ARB2A: variants seen among roughly 807,000 people sequenced by gnomAD.
ARB2A encodes ARB2 cotranscriptional regulator A.
At chr5:93,831,965 C>T in the ARB2A span, among the ~76,000 whole-genome samples, 5 of 152,028 alleles carry the variant, frequency 3.3e-5, no homozygotes, top group African/African-American at 1.2e-4. Context: ...AAAGTGAGAC[C>T]CAACTGAAAA....
At chr5:93,842,122 A>C in the ARB2A span, among the ~76,000 whole-genome samples, 1 of 152,248 alleles carries the variant, frequency 6.6e-6, no homozygotes, top group Non-Finnish European at 1.5e-5. Flanking sequence ...TAATGTTAGA[A>C]TGGAGGTCAG....
chr5:93,673,542 C>G, the ARB2A span, among the ~76,000 whole-genome samples: 1 of 152,212 alleles, frequency 6.6e-6, no homozygotes, highest in African/African-American at 2.4e-5. Flanking sequence ...AAGAAAGACA[C>G]TTCGTTTAAA....
At chr5:93,617,797 T>G in the ARB2A span, among the ~76,000 whole-genome samples, 1 of 152,162 alleles carries the variant, frequency 6.6e-6, no homozygotes, top group Non-Finnish European at 1.5e-5. Flanking sequence ...ATTGATAGGT[T>G]GTTCAGATTT....
At chr5:93,986,055 G>A in the ARB2A span, among the ~76,000 whole-genome samples, 2 of 149,304 alleles carry the variant, frequency 1.3e-5, no homozygotes, top group East Asian at 2.0e-4. Flanking sequence ...GATGTGAGGA[G>A]CGCCTCTGCC....
chr5:94,051,877 A>G, the ARB2A span, among the ~76,000 whole-genome samples: 1 of 152,170 alleles, frequency 6.6e-6, no homozygotes, highest in Non-Finnish European at 1.5e-5. Flanking sequence ...TGGAGAGTAC[A>G]GTGGCCCAAT....
the ARB2A span, among the ~76,000 whole-genome samples, chr5:94,046,796 A>G: frequency 2.6e-5 from 4 of 152,358 alleles, no homozygotes; most frequent in African/African-American, 4.8e-5. Flanking sequence ...TTTTGGTTAC[A>G]GAATCAATGA....
the ARB2A span, among the ~76,000 whole-genome samples, chr5:94,009,847 T>G: frequency 6.6e-6 from 1 of 152,048 alleles, no homozygotes; most frequent in Non-Finnish European, 1.5e-5. Context: ...TTCTCTACTA[T>G]TGTTTGATAT....
the ARB2A span, among the ~76,000 whole-genome samples, chr5:93,952,776 A>T: frequency 1.3e-5 from 2 of 151,986 alleles, no homozygotes; most frequent in Non-Finnish European, 2.9e-5. Context: ...ACTTCTCTCT[A>T]CCACTTCTTT....
the ARB2A span, among the ~76,000 whole-genome samples, chr5:93,991,502 C>A: frequency 6.7e-6 from 1 of 150,346 alleles, no homozygotes; most frequent in Non-Finnish European, 1.5e-5. Flanking sequence ...AATTAGGAGA[C>A]AAGAATATTA....
chr5:94,072,525 T>C, the ARB2A span, among the ~76,000 whole-genome samples: 2 of 152,094 alleles, frequency 1.3e-5, no homozygotes, highest in Admixed American at 1.3e-4. Flanking sequence ...CAACTCAACA[T>C]TAATGTCCAG....
chr5:93,953,680 G>A, the ARB2A span, among the ~76,000 whole-genome samples: 4 of 152,142 alleles, frequency 2.6e-5, no homozygotes, highest in East Asian at 7.8e-4. Context: ...AGGTACTACG[G>A]TTCTACAACC....
chr5:94,045,672 T>A, the ARB2A span, among the ~76,000 whole-genome samples: 2 of 152,204 alleles, frequency 1.3e-5, no homozygotes, highest in South Asian at 4.1e-4. Context: ...TCTATTTGTA[T>A]CACACTATTT....
the ARB2A span, among the ~76,000 whole-genome samples, chr5:93,877,715 G>A: frequency 6.6e-6 from 1 of 152,108 alleles, no homozygotes; most frequent in Admixed American, 6.6e-5. Flanking sequence ...TACATTCCAT[G>A]AGTCTCAGTA....
the ARB2A span, among the ~76,000 whole-genome samples, chr5:93,766,100 G>A: frequency 1.3e-5 from 2 of 152,106 alleles, no homozygotes; most frequent in East Asian, 3.8e-4. Flanking sequence ...AGAAAACCTA[G>A]GCAATACCAT....
At chr5:93,733,869 G>T in the ARB2A span, 4 of 152,100 alleles carry the variant, frequency 2.6e-5, no homozygotes, top group African/African-American at 9.7e-5. Flanking sequence ...ATTCTGAAAA[G>T]AATTAATCTT....
At chr5:93,845,500 A>G in the ARB2A span, among the ~76,000 whole-genome samples, 8 of 152,220 alleles carry the variant, frequency 5.3e-5, no homozygotes, top group Non-Finnish European at 1.0e-4. Context: ...GTAATCTGTC[A>G]CAGAAGAGGC....
At chr5:94,035,206 C>CATATACATATACATATACATATAA in the ARB2A span, among the ~76,000 whole-genome samples, 1 of 146,750 alleles carries the variant, frequency 6.8e-6, no homozygotes, top group South Asian at 2.2e-4. Context: ...CATACATATA[C>CATATACATATACATATACATATAA]ATATACATAT....
At chr5:93,728,522 TA>T in the ARB2A span, among the ~76,000 whole-genome samples, 1 of 152,074 alleles carries the variant, frequency 6.6e-6, no homozygotes, top group Admixed American at 6.6e-5. Flanking sequence ...ATAATAAACT[TA>T]AAGAAACTGA....
the ARB2A span, among the ~76,000 whole-genome samples, chr5:93,913,255 C>A: frequency 6.6e-6 from 1 of 151,868 alleles, no homozygotes; most frequent in Non-Finnish European, 1.5e-5. Context: ...AACTAATCAA[C>A]AAGATTTTCT....
Sources: gnomAD v4.1 joint callset for allele counts (sites outside exome capture counted in the v4.1 genomes callset) on GRCh38, gnomAD v4.1.1 for gene constraint, MANE v1.5 for transcripts, NCBI Gene and HGNC (gene_info 2026-07-23, HGNC 2026-07-21) for gene names.